Variants in SPDL1 observed in about 807,000 individuals in gnomAD.
SPDL1 encodes the protein spindle apparatus coiled-coil protein 1.
Under a neutral mutation model 79.5 loss-of-function variants are expected in SPDL1, and 85 were observed. That is an observed-to-expected ratio of 1.07 (90% CI 0.90 to 1.28). The LOEUF is 1.28. SPDL1 is among the 50% of genes most tolerant of loss of function. The probability of loss-of-function intolerance (pLI) is 0.00; values close to 1 mark genes in which losing one functional copy is unlikely to be tolerated. For synonymous variants in SPDL1, 269 were observed against 240.3 expected, an observed-to-expected ratio of 1.12 and a Z score of -1.10; for missense variants, 703 against 697.8, an observed-to-expected ratio of 1.01 and a Z score of -0.08.
chr5:169,591,194 T>C lies in SPDL1; in HGVS notation c.306T>C (p.His102=), dbSNP rs190467741. ...EKLEEQLSRS[H]GQEVNELKTK... ...TGGAAGAACAACTAAGCAGAAGCCA[T>C]GGACAGGAAGTGAATGAACTAAAAA... The change falls in exon 3 of 12, where the codon CAT becomes CAC. Residue 102 remains histidine, a synonymous_variant. Coordinates refer to ENST00000265295, the MANE Select transcript of SPDL1 (RefSeq NM_017785.5). 1 of 1,613,884 alleles carries C rather than the reference T, an allele frequency of 6.2e-7. No homozygotes were observed. Among genetic ancestry groups the C allele is most frequent in the Admixed American group, 1.7e-5 (1 of 60,004 alleles).
In SPDL1 at chr5:169,601,316, A is replaced by T. The variant is rs779539601; in HGVS notation, c.1361A>T (p.Glu454Val). The change falls in exon 11 of 12, where the codon GAG becomes GTG. Residue 454 changes from glutamate (E) to valine (V), a missense_variant. By Grantham distance (121) the Glu-to-Val change is moderately radical. Coordinates refer to ENST00000265295, the MANE Select transcript of SPDL1 (RefSeq NM_017785.5). The stretch of plus-strand genomic sequence containing the variant: ...GTGCCTGTACTGAAAAAGAGGCGTG[A>T]GGTGCTCCCTGTGGATATAACCACC... The part of the protein sequence containing the change: ...VEVPVLKKRR[E>V]VLPVDITTAK... 13 of 1,612,948 alleles carry T rather than the reference A, an allele frequency of 8.1e-6. No homozygotes were observed. The highest frequency in any genetic ancestry group is 1.1e-5 in the Non-Finnish European group (13 of 1,179,828).
Position 169,593,568 on chromosome 5 carries a change from T to A in SPDL1, c.531+20T>A. 6.6e-7 allele frequency: 1 copy of A among 1,525,646 alleles called. No homozygotes were observed. Among genetic ancestry groups the A allele is most frequent in the Non-Finnish European group, 8.8e-7 (1 of 1,137,600 alleles). 94.5% of individuals were successfully genotyped at this position (1,525,646 alleles called of 1,614,324 possible). On this transcript the variant is annotated intron_variant, in intron 4 of 11. Coordinates refer to ENST00000265295, the MANE Select transcript of SPDL1 (RefSeq NM_017785.5). Reference sequence around the variant, plus strand: ...ATGAAGGTAATTTTTATGGCATGTGTTTCTCAGGGTTTTCTCTTTTTTTTT... The same window carrying A: ...ATGAAGGTAATTTTTATGGCATGTGATTCTCAGGGTTTTCTCTTTTTTTTT...
At chr5:169,593,029 T>G (rs1425225043) in intron 3 of SPDL1, among the ~76,000 whole-genome samples, 1 of 152,190 alleles carries the variant, frequency 6.6e-6, no homozygotes, top group Non-Finnish European at 1.5e-5. Flanking sequence ...TTTCCTGGAC[T>G]ACTGCTGTAG....
In SPDL1 at chr5:169,593,370, T is replaced by A; in HGVS notation, c.353T>A (p.Val118Glu). 6.3e-7 allele frequency: 1 copy of A among 1,582,616 alleles called. No homozygotes were observed. The highest frequency in any genetic ancestry group is 8.5e-7 in the Non-Finnish European group (1 of 1,170,932). The change falls in exon 4 of 12, where the codon GTG becomes GAG. Residue 118 changes from valine to glutamate, a missense_variant. Transcript: ENST00000265295. The part of the protein sequence containing the change: ...ELKTKIEKLK[V>E]ELDEARLSEK... ...TGGCTTTAGATAGAAAAACTGAAAG[T>A]GGAATTAGATGAAGCCAGGCTTAGT...
intron 1 of SPDL1, 95 bp from the exon 2 acceptor site, chr5:169,588,299 C>A: frequency 2.5e-6 from 2 of 800,190 alleles, no homozygotes; most frequent in Non-Finnish European, 3.8e-6. Context: ...TTTTATACGA[C>A]AGTAGTATTG....
rs1461059468 is a variant in SPDL1 at position 169,594,295 on chromosome 5, G to A, written c.681+1G>A. The A allele has an allele frequency of 3.1e-6, 5 of 1,613,428 alleles. No individual in the cohort carries two copies. Among genetic ancestry groups the A allele is most frequent in the Non-Finnish European group, 4.2e-6 (5 of 1,179,750 alleles). ...AGTTTCTTACTATAATGCCCTAGAG[G>A]TACTATGATTACAGTAACATCATGT... On this transcript the variant is annotated splice_donor_variant, in intron 5 of 11. Coordinates refer to ENST00000265295, the MANE Select transcript of SPDL1 (RefSeq NM_017785.5). LOFTEE classifies it high-confidence loss of function.
At chr5:169,589,294 C>T (rs541879896) in intron 2 of SPDL1, among the ~76,000 whole-genome samples, 1 of 152,312 alleles carries the variant, frequency 6.6e-6, no homozygotes, top group South Asian at 2.1e-4. Context: ...GGGTTGCCTG[C>T]TTCCATTGTT....
At chr5:169,592,137 C>G (rs998422989) in intron 3 of SPDL1, among the ~76,000 whole-genome samples, 1 of 150,434 alleles carries the variant, frequency 6.6e-6, no homozygotes, top group Non-Finnish European at 1.5e-5. Flanking sequence ...ACCACCTATA[C>G]TATTACTTAA....
chr5:169,598,875 TTAAC>T, intron 9 of SPDL1, 93 bp from the exon 10 acceptor site: 1 of 1,421,864 alleles, frequency 7.0e-7, no homozygotes, highest in Non-Finnish European at 9.3e-7. Flanking sequence ...AAATGTATTT[TTAAC>T]TAAGAATTCA....
At chr5:169,592,574 A>T (rs961135934) in intron 3 of SPDL1, among the ~76,000 whole-genome samples, 1 of 152,100 alleles carries the variant, frequency 6.6e-6, no homozygotes, top group Admixed American at 6.5e-5. Flanking sequence ...AAACATAGCT[A>T]TCTAAATATA....
rs781224343 is a variant in SPDL1 at position 169,604,176 on chromosome 5, C to T, written c.1787C>T (p.Ser596Phe). The T allele has an allele frequency of 9.3e-6, 15 of 1,606,526 alleles. No individual in the cohort carries two copies. The highest frequency in any genetic ancestry group is 1.3e-5 in the Non-Finnish European group (15 of 1,177,358). The change falls in exon 12 of 12, where the codon TCT (serine) becomes TTT (phenylalanine). Residue 596 changes from serine to phenylalanine, a missense_variant. Physicochemically the swap from Ser to Phe is radical, Grantham distance 155. Coordinates refer to ENST00000265295, the MANE Select transcript of SPDL1 (RefSeq NM_017785.5). ...CCTATTCTATATGTGTCTTCTAAAT[C>T]TACTCCAGAGACCCAGTGCCCTCAA... ...LHPILYVSSK[S>F]TPETQCPQQ
intron 11 of SPDL1, among the ~76,000 whole-genome samples, chr5:169,603,834 C>T (rs894591656): frequency 6.6e-6 from 1 of 152,124 alleles, no homozygotes; most frequent in African/African-American, 2.4e-5. Context: ...AGCCTGGTGA[C>T]AGAGTGAGAC....
chr5:169,598,461 T>G lies in SPDL1; in HGVS notation c.1033-15T>G, dbSNP rs1340621719. 1 of 1,525,634 alleles carries G rather than the reference T, an allele frequency of 6.6e-7. No homozygotes were observed. Among genetic ancestry groups the G allele is most frequent in the Non-Finnish European group, 9.1e-7 (1 of 1,101,600 alleles). 94.5% of individuals were successfully genotyped at this position (1,525,634 alleles called of 1,614,324 possible). On this transcript the variant is annotated splice_polypyrimidine_tract_variant and intron_variant, in intron 8 of 11. Transcript: ENST00000265295. ...GTTATTTATTTTAAGTAATACAAAC[T>G]TTTGCTTTTTTAAGAATTTATATGA...
Position 169,594,276 on chromosome 5 carries a change from T to C in SPDL1, c.663T>C (p.Ser221=). 1 of 1,613,982 alleles carries C rather than the reference T, an allele frequency of 6.2e-7. No individual in the cohort carries two copies. Among genetic ancestry groups the C allele is most frequent in the Non-Finnish European group, 8.5e-7 (1 of 1,179,916 alleles). Residue 221 remains serine, a synonymous_variant, in exon 5 of 12, where the codon TCT becomes TCC. Transcript: ENST00000265295. ...EKEEREKEAV[S]YYNALEKARV... ...AGGAGCGAGAGAAAGAAGCAGTTTC[T>C]TACTATAATGCCCTAGAGGTACTAT...
intron 11 of SPDL1, among the ~76,000 whole-genome samples, chr5:169,603,534 A>T (rs1415143967): frequency 2.0e-5 from 3 of 152,104 alleles, no homozygotes; most frequent in Admixed American, 2.0e-4. Flanking sequence ...AGGGCTTGCC[A>T]TGACTTTTTA....
rs1755756239 is a variant in SPDL1 at position 169,599,147 on chromosome 5, T to C, written c.1312T>C (p.Tyr438His). 1.3e-6 allele frequency: 2 copies of C among 1,533,948 alleles called. No individual in the cohort carries two copies. Among genetic ancestry groups the C allele is most frequent in the African/African-American group, 1.4e-5 (1 of 72,528 alleles). The change falls in exon 10 of 12, where the codon TAT (tyrosine) becomes CAT (histidine). Residue 438 changes from tyrosine to histidine, a missense_variant. Coordinates refer to ENST00000265295, the MANE Select transcript of SPDL1 (RefSeq NM_017785.5). Reference sequence around the variant, plus strand: ...TAAACTAGATGAATTGAAACTAAAATATGAACCTGAAGGTATATATGTCTC... The same window carrying C: ...TAAACTAGATGAATTGAAACTAAAACATGAACCTGAAGGTATATATGTCTC... ...RAKLDELKLK[Y>H]EPEETVEVPV...
At chr5:169,601,667 C>T (rs761512934) in intron 11 of SPDL1, 42 bp downstream of exon 11, 8 of 1,510,368 alleles carry the variant, frequency 5.3e-6, no homozygotes, top group Admixed American at 1.7e-5. Flanking sequence ...CAGACCTCTC[C>T]ATCTCTCCTC....
chr5:169,590,760 TACTTG>T (rs1474620097), intron 2 of SPDL1: 29 of 491,814 alleles, frequency 5.9e-5, no homozygotes, highest in Admixed American at 5.7e-4. Flanking sequence ...TAGCAGAGAT[TACTTG>T]ACTTGACGTG....
At chr5:169,601,683 C>A in intron 11 of SPDL1, 58 bp downstream of exon 11, 1 of 1,384,790 alleles carries the variant, frequency 7.2e-7, no homozygotes, top group Non-Finnish European at 1.0e-6. Context: ...TCCTCTCTCG[C>A]TGCATGAACT....
Sources: gnomAD v4.1 joint callset for allele counts (sites outside exome capture counted in the v4.1 genomes callset) on GRCh38, gnomAD v4.1.1 for gene constraint, MANE v1.5 for transcripts, NCBI Gene and HGNC (gene_info 2026-07-23, HGNC 2026-07-21) for gene names.